Variants in UTRN observed in about 807,000 individuals in gnomAD.
The protein encoded by UTRN is utrophin, also known as dystrophin-related protein 1.
In UTRN, 283 loss-of-function variants were observed where a neutral mutation model predicts 463.9. The ratio of observed to expected loss-of-function variants is 0.61; its 90% confidence interval spans 0.55 to 0.67. The LOEUF (loss-of-function observed/expected upper bound fraction) is 0.67. Ranked by LOEUF, UTRN falls within the 30% of genes least tolerant of loss-of-function variation. The pLI, the probability that UTRN is intolerant of heterozygous loss-of-function variation, is 0.00. For synonymous variants in UTRN, 1,442 were observed against 1,431.5 expected, an observed-to-expected ratio of 1.01 and a Z score of -0.17; for missense variants, 3,922 against 4,084.3, an observed-to-expected ratio of 0.96 and a Z score of 1.08.
chr6:144,554,510 G>A (rs1799211771), intron 48 of UTRN, among the ~76,000 whole-genome samples, 178 bp from the exon 49 acceptor site: 1 of 152,114 alleles, frequency 6.6e-6, no homozygotes, highest in African/African-American at 2.4e-5. Context: ...CACCGTTTCA[G>A]AAATATATCA....
At chr6:144,390,295 T>C (rs1781792671) in intron 2 of UTRN, among the ~76,000 whole-genome samples, 1 of 152,168 alleles carries the variant, frequency 6.6e-6, no homozygotes, top group South Asian at 2.1e-4. Context: ...CCCCCTTTCT[T>C]GTCTCATTAC....
At chr6:144,816,523 T>G (rs1779091365) in intron 65 of UTRN, among the ~76,000 whole-genome samples, 1 of 152,124 alleles carries the variant, frequency 6.6e-6, no homozygotes. Context: ...AAAAGAATTC[T>G]AAAAATAAAT....
intron 51 of UTRN, among the ~76,000 whole-genome samples, chr6:144,656,177 C>T (rs1779290682): frequency 6.6e-6 from 1 of 152,136 alleles, no homozygotes; most frequent in Non-Finnish European, 1.5e-5. Flanking sequence ...GATTAGTGAA[C>T]AATTTATTTG....
intron 2 of UTRN, among the ~76,000 whole-genome samples, chr6:144,337,304 G>C (rs996623213): frequency 6.6e-6 from 1 of 152,014 alleles, no homozygotes; most frequent in African/African-American, 2.4e-5. Flanking sequence ...CTATCTCCTG[G>C]TAGAGGGAGA....
chr6:144,571,456 T>TA (rs1446084228), intron 50 of UTRN, among the ~76,000 whole-genome samples: 1 of 152,182 alleles, frequency 6.6e-6, no homozygotes, highest in Non-Finnish European at 1.5e-5. Context: ...CTATTCTCCT[T>TA]ACCTTCTTCT....
intron 65 of UTRN, among the ~76,000 whole-genome samples, chr6:144,815,591 G>A (rs1440583515): frequency 1.3e-5 from 2 of 152,222 alleles, no homozygotes; most frequent in Non-Finnish European, 2.9e-5. Flanking sequence ...TGAAGAACTT[G>A]GAGTTTATGT....
chr6:144,640,748 AT>A (rs904325696), intron 51 of UTRN, among the ~76,000 whole-genome samples: 1 of 152,180 alleles, frequency 6.6e-6, no homozygotes, highest in African/African-American at 2.4e-5. Context: ...ATAAATTAAA[AT>A]GTTTTGAAAA....
At chr6:144,652,765 G>A (rs560601170) in intron 51 of UTRN, among the ~76,000 whole-genome samples, 1 of 152,274 alleles carries the variant, frequency 6.6e-6, no homozygotes, top group African/African-American at 2.4e-5. Flanking sequence ...ACAACAAAAA[G>A]GCTTTGTTCT....
intron 65 of UTRN, among the ~76,000 whole-genome samples, chr6:144,819,360 C>T (rs1779358826): frequency 6.6e-6 from 1 of 152,064 alleles, no homozygotes; most frequent in Non-Finnish European, 1.5e-5. Context: ...TAACTCAGAA[C>T]TTAGTTGTTT....
chr6:144,820,380 T>A (rs1196251476), intron 65 of UTRN, among the ~76,000 whole-genome samples: 1 of 152,178 alleles, frequency 6.6e-6, no homozygotes, highest in African/African-American at 2.4e-5. Flanking sequence ...CTTTCTCTCT[T>A]ATTTATTGTC....
At position 144,789,299 on chromosome 6, in the gene UTRN, T is replaced by C. The variant is rs1259969408; in HGVS notation, c.8920+20T>C. 2 of 1,551,736 alleles carry C rather than the reference T, an allele frequency of 1.3e-6. No individual in the cohort carries two copies. The highest frequency in any genetic ancestry group is 1.8e-6 in the Non-Finnish European group (2 of 1,136,426). ...ACAGATGTATGTAAGACCTTTCTTATACCAACAGTGTTTTTAGTAATAATA... is the reference window on the plus strand; with the variant it reads ...ACAGATGTATGTAAGACCTTTCTTACACCAACAGTGTTTTTAGTAATAATA... On this transcript the variant is annotated intron_variant, in intron 62 of 74. Coordinates refer to ENST00000367545, the MANE Select transcript of UTRN (RefSeq NM_007124.3).
Position 144,516,219 on chromosome 6 carries a change from C to T in UTRN, c.5245-10C>T. ...AAATCTATTTTCAGAGAATTCTTTTCCTTCTACAGTTGCTAATTGCTCAGG... is the reference window on the plus strand; with the variant it reads ...AAATCTATTTTCAGAGAATTCTTTTTCTTCTACAGTTGCTAATTGCTCAGG... On this transcript the variant is annotated splice_polypyrimidine_tract_variant and intron_variant, in intron 37 of 74. Transcript: ENST00000367545. 1.2e-6 allele frequency: 2 copies of T among 1,607,294 alleles called. No individual in the cohort carries two copies. The highest frequency in any genetic ancestry group is 1.1e-5 in the South Asian group (1 of 88,916).
At chr6:144,728,077 G>T (rs939883703) in intron 53 of UTRN, among the ~76,000 whole-genome samples, 1 of 146,484 alleles carries the variant, frequency 6.8e-6, no homozygotes, top group African/African-American at 2.6e-5. Context: ...CTCCAGCCTG[G>T]GTGACAGAGT....
chr6:144,796,672 T>A (rs1257352792), intron 63 of UTRN, among the ~76,000 whole-genome samples: 2 of 152,162 alleles, frequency 1.3e-5, no homozygotes, highest in African/African-American at 4.8e-5. Flanking sequence ...TTTAGAAATG[T>A]TACTACTGAT....
At chr6:144,384,893 C>A (rs1028303355) in intron 2 of UTRN, among the ~76,000 whole-genome samples, 3 of 152,144 alleles carry the variant, frequency 2.0e-5, no homozygotes, top group Admixed American at 6.5e-5. Context: ...CTCTGAGATT[C>A]TGCTTTCAGT....
intron 50 of UTRN, among the ~76,000 whole-genome samples, chr6:144,561,879 G>A (rs1490825515): frequency 4.6e-5 from 7 of 152,120 alleles, no homozygotes; most frequent in Non-Finnish European, 1.0e-4. Context: ...ACTTCCTTTA[G>A]TCAAATGCAC....
intron 53 of UTRN, among the ~76,000 whole-genome samples, chr6:144,728,196 A>G (rs184178185): frequency 1.3e-5 from 2 of 151,890 alleles, no homozygotes; most frequent in Admixed American, 1.3e-4. Flanking sequence ...TAAAAAAAAT[A>G]ATTTTGCTAT....
intron 34 of UTRN, among the ~76,000 whole-genome samples, chr6:144,501,185 G>T (rs1037077204): frequency 6.6e-6 from 1 of 152,220 alleles, no homozygotes; most frequent in Non-Finnish European, 1.5e-5. Context: ...TGTAAAGGAA[G>T]TGAAGAAAGG....
intron 59 of UTRN, among the ~76,000 whole-genome samples, chr6:144,772,458 T>G (rs1040363436): frequency 6.6e-6 from 1 of 152,224 alleles, no homozygotes; most frequent in African/African-American, 2.4e-5. Context: ...AGGTATTGCC[T>G]TTCTTAGGAG....
Sources: allele counts gnomAD v4.1 joint callset (sites outside exome capture counted in the v4.1 genomes callset), GRCh38; gene constraint gnomAD v4.1.1; transcripts MANE v1.5; gene names NCBI Gene and HGNC (gene_info 2026-07-23, HGNC 2026-07-21).